ARHGEF7: variants seen among roughly 807,000 people sequenced by gnomAD.
ARHGEF7 encodes Rho guanine nucleotide exchange factor 7.
In ARHGEF7, 33 loss-of-function variants were observed where a neutral mutation model predicts 109.8. The observed-to-expected ratio is 0.30, with a 90% CI of 0.23 to 0.40. The LOEUF (loss-of-function observed/expected upper bound fraction) is 0.40. Ranked by LOEUF, ARHGEF7 falls within the 10% of genes least tolerant of loss-of-function variation. The pLI, the probability that ARHGEF7 is intolerant of heterozygous loss-of-function variation, is 1.00. For missense variants in ARHGEF7, 938 were observed against 1,098.5 expected (o/e 0.85, Z 2.07); for synonymous variants, 458 against 424.6 (o/e 1.08, Z -0.97).
At chr13:111,119,925 A>G (rs1024956757) in intron 1 of ARHGEF7, among the ~76,000 whole-genome samples, 1 of 152,096 alleles carries the variant, frequency 6.6e-6, no homozygotes, top group Non-Finnish European at 1.5e-5. Flanking sequence ...CAGGCCCGTG[A>G]CCTGTAGCCG....
At chr13:111,166,216 C>T (rs1328358419) in intron 2 of ARHGEF7, among the ~76,000 whole-genome samples, 1 of 152,140 alleles carries the variant, frequency 6.6e-6, no homozygotes, top group Admixed American at 6.5e-5. Flanking sequence ...TCATTTTCCT[C>T]CTGACTCTGA....
upstream of ARHGEF7, chr13:111,114,971 A>G (rs2153296334): frequency 6.6e-6 from 1 of 152,188 alleles, no homozygotes; most frequent in South Asian, 2.1e-4. Flanking sequence ...GTACTTCATC[A>G]TTTCAACGCT....
At chr13:111,270,330 G>A (rs1461729193) in intron 9 of ARHGEF7, among the ~76,000 whole-genome samples, 1 of 152,244 alleles carries the variant, frequency 6.6e-6, no homozygotes. Context: ...CTGTGTACGG[G>A]CTGCTGGCAT....
chr13:111,127,106 G>A (rs1481396090), intron 1 of ARHGEF7, among the ~76,000 whole-genome samples: 5 of 152,136 alleles, frequency 3.3e-5, no homozygotes, highest in South Asian at 2.1e-4. Context: ...TACAGATATC[G>A]AAAGATAATA....
At chr13:111,277,460 A>G (rs2092553104) in intron 12 of ARHGEF7, 127 bp from the exon 13 acceptor site, 1 of 609,858 alleles carries the variant, frequency 1.6e-6, no homozygotes. Context: ...ACTTGATAGA[A>G]ATACCTAAAC....
intron 1 of ARHGEF7, among the ~76,000 whole-genome samples, chr13:111,115,938 C>G (rs1251176067): frequency 6.6e-6 from 1 of 151,092 alleles, no homozygotes; most frequent in African/African-American, 2.4e-5. Context: ...CGGGGGTCCC[C>G]GGGAAGGAGA....
intron 2 of ARHGEF7, among the ~76,000 whole-genome samples, chr13:111,180,830 C>T (rs1049269711): frequency 2.0e-5 from 3 of 152,186 alleles, no homozygotes; most frequent in African/African-American, 7.2e-5. Context: ...TAATGTTCTG[C>T]ATTTTGAATT....
chr13:111,212,756 A>G (rs2082651295), intron 4 of ARHGEF7, among the ~76,000 whole-genome samples: 1 of 152,114 alleles, frequency 6.6e-6, no homozygotes, highest in Non-Finnish European at 1.5e-5. Flanking sequence ...ATTGTTAAAT[A>G]TTTTCATATA....
At chr13:111,175,430 G>A (rs1007659549) in intron 2 of ARHGEF7, among the ~76,000 whole-genome samples, 1 of 152,214 alleles carries the variant, frequency 6.6e-6, no homozygotes, top group Non-Finnish European at 1.5e-5. Context: ...CTCTCTGGGG[G>A]CCCTCTCAGT....
chr13:111,196,902 G>C (rs1044936098), intron 2 of ARHGEF7, among the ~76,000 whole-genome samples: 1 of 152,130 alleles, frequency 6.6e-6, no homozygotes, highest in Non-Finnish European at 1.5e-5. Flanking sequence ...TCCCTCAGGT[G>C]GCCATTTTTA....
In ARHGEF7 at chr13:111,267,591, C is replaced by T; in HGVS notation, c.994C>T (p.Leu332=). 6.2e-7 allele frequency: 1 copy of T among 1,614,126 alleles called. No individual in the cohort carries two copies. Among genetic ancestry groups the T allele is most frequent in the Non-Finnish European group, 8.5e-7 (1 of 1,179,988 alleles). ...GAGAGTCGGAGGCTGCTTTTTAAAC[C>T]TGATGCCACAGATGAAAACCCTGTA... is the stretch of plus-strand genomic sequence containing the variant. ...QQRVGGCFLN[L]MPQMKTLYLT... is the part of the protein sequence containing the mutation. Residue 332 remains leucine, a synonymous_variant, in exon 9 of 22, where the codon CTG becomes TTG. Coordinates refer to ENST00000646102, the MANE Select transcript of ARHGEF7 (RefSeq NM_001354046.2).
At chr13:111,211,264 A>T (rs1228739433) in intron 4 of ARHGEF7, among the ~76,000 whole-genome samples, 1 of 152,184 alleles carries the variant, frequency 6.6e-6, no homozygotes, top group Non-Finnish European at 1.5e-5. Context: ...GTTAAAGAGG[A>T]CTAAACAAAC....
At chr13:111,248,008 T>A (rs2089185950) in intron 8 of ARHGEF7, among the ~76,000 whole-genome samples, 1 of 152,228 alleles carries the variant, frequency 6.6e-6, no homozygotes, top group South Asian at 2.1e-4. Context: ...GTCTTCCGTC[T>A]TGAAAACTGA....
At position 111,286,957 on chromosome 13, in the gene ARHGEF7, G is replaced by A. The variant is rs948159644; in HGVS notation, c.2044+717G>A. 9.2e-5 allele frequency among the ~76,000 whole-genome samples: 14 copies of A among 152,154 alleles called. No homozygotes were observed. In the South Asian group the frequency reaches 1.7e-3, roughly 18 times the overall value. ...GTCCTACAGGGCTCTGCCCTGCCCC[G>A]CCCCTGTGTCTGAGCTCAGCCTTTG... On this transcript the variant is annotated intron_variant, in intron 17 of 21. Coordinates refer to ENST00000646102, the MANE Select transcript of ARHGEF7 (RefSeq NM_001354046.2).
intron 2 of ARHGEF7, among the ~76,000 whole-genome samples, chr13:111,202,163 G>T (rs760017100): frequency 6.6e-6 from 1 of 152,188 alleles, no homozygotes; most frequent in African/African-American, 2.4e-5. Context: ...ATTATGGTGC[G>T]AAGTGTGTCT....
At chr13:111,212,924 A>G (rs984111487) in intron 4 of ARHGEF7, among the ~76,000 whole-genome samples, 1 of 152,196 alleles carries the variant, frequency 6.6e-6, no homozygotes, top group African/African-American at 2.4e-5. Flanking sequence ...ATTGGTTGAC[A>G]TGAGGAAACT....
intron 2 of ARHGEF7, among the ~76,000 whole-genome samples, chr13:111,165,840 A>C (rs1594178233): frequency 6.6e-6 from 1 of 152,174 alleles, no homozygotes; most frequent in Non-Finnish European, 1.5e-5. Flanking sequence ...ATGAGACTCA[A>C]ATGGAAATTA....
chr13:111,302,854 G>T (rs781306725), intron 21 of ARHGEF7, 137 bp from the exon 22 acceptor site: 1 of 1,103,402 alleles, frequency 9.1e-7, no homozygotes, highest in Non-Finnish European at 1.3e-6. Context: ...GGATCCCCAC[G>T]ACCTCAGAGC....
intron 4 of ARHGEF7, among the ~76,000 whole-genome samples, chr13:111,210,665 G>C (rs1419211740): frequency 6.6e-6 from 1 of 152,222 alleles, no homozygotes; most frequent in Non-Finnish European, 1.5e-5. Flanking sequence ...CCTGTAGAGT[G>C]TTGGGGCAGA....
Sources: allele counts gnomAD v4.1 joint callset (sites outside exome capture counted in the v4.1 genomes callset), GRCh38; gene constraint gnomAD v4.1.1; transcripts MANE v1.5; gene names NCBI Gene and HGNC (gene_info 2026-07-23, HGNC 2026-07-21).